PPP5C: variants seen among roughly 807,000 people sequenced by gnomAD.
PPP5C encodes the protein protein phosphatase 5 catalytic subunit, also known as serine/threonine-protein phosphatase 5.
A neutral mutation model predicts 66.7 loss-of-function variants in PPP5C; 21 were observed. The observed-to-expected ratio is 0.31, with a 90% CI of 0.22 to 0.45. The LOEUF is 0.45. Ranked by LOEUF, PPP5C falls within the 20% of genes least tolerant of loss-of-function variation. PPP5C has a pLI of 1.00. For missense variants in PPP5C, 464 were observed against 675.9 expected (o/e 0.69, Z 3.48); for synonymous variants, 246 against 257.4 (o/e 0.96, Z 0.43).
At chr19:46,366,981 G>T (rs1449396729) in intron 2 of PPP5C, among the ~76,000 whole-genome samples, 1 of 152,190 alleles carries the variant, frequency 6.6e-6, no homozygotes, top group African/African-American at 2.4e-5. Flanking sequence ...CACTGTGCTG[G>T]ATCTAGGTCG....
In PPP5C at chr19:46,379,606, TC is replaced by T. The variant is rs778697300; in HGVS notation, c.633+3037del. 2.4e-4 allele frequency among the ~76,000 whole-genome samples: 37 copies of T among 152,330 alleles called. 1 individual carries two copies. Among genetic ancestry groups the T allele is most frequent in the African/African-American group, 8.4e-4 (35 of 41,570 alleles). ...TTTCTATATGTCCCATTTGTTTTTT[TC>T]CCCCTTGTTTCTCCTTCTTTGACTT... On this transcript the variant is annotated intron_variant, in intron 4 of 12. Transcript: ENST00000012443.
intron 2 of PPP5C, among the ~76,000 whole-genome samples, chr19:46,357,373 G>T (rs1972304858): frequency 6.6e-6 from 1 of 152,166 alleles, no homozygotes; most frequent in African/African-American, 2.4e-5. Flanking sequence ...TATTCTCTCA[G>T]TCAACAGTTA....
chr19:46,378,147 T>G (rs1972728585), intron 4 of PPP5C, among the ~76,000 whole-genome samples: 1 of 152,244 alleles, frequency 6.6e-6, no homozygotes, highest in Non-Finnish European at 1.5e-5. Context: ...AAACTAAATT[T>G]CCTTCCAGGC....
intron 9 of PPP5C, chr19:46,387,958 TGAG>T (rs1490192995): frequency 3.6e-6 from 1 of 278,112 alleles, no homozygotes; most frequent in Non-Finnish European, 7.0e-6. Context: ...ATTCCAGGCT[TGAG>T]GAGGGGTCCT....
intron 2 of PPP5C, among the ~76,000 whole-genome samples, chr19:46,372,386 A>G (rs1013478731): frequency 6.0e-5 from 9 of 150,862 alleles, no homozygotes; most frequent in African/African-American, 2.2e-4. Flanking sequence ...TGTTGTTGTT[A>G]TTTTTTTCTA....
At position 46,390,594 on chromosome 19, in the gene PPP5C, C is replaced by A; in HGVS notation, c.*248C>A. 2.7e-5 allele frequency: 37 copies of A among 1,349,376 alleles called. No homozygotes were observed. The highest frequency in any genetic ancestry group is 8.9e-5 in the East Asian group (3 of 33,774). The allele number at this position is 1,349,376 out of a possible 1,614,324, so 83.6% of individuals were successfully genotyped here. Reference sequence around the variant, plus strand: ...GCTGGGGCTGGGGGCACAGCCTGGGCATTCTGTGGGGAGGCCGTCCTCGGG... The same window carrying A: ...GCTGGGGCTGGGGGCACAGCCTGGGAATTCTGTGGGGAGGCCGTCCTCGGG... On this transcript the variant is annotated 3_prime_UTR_variant, in exon 13 of 13. Coordinates refer to ENST00000012443, the MANE Select transcript of PPP5C (RefSeq NM_006247.4).
chr19:46,364,843 C>T (rs1242818286), intron 2 of PPP5C, among the ~76,000 whole-genome samples: 3 of 150,960 alleles, frequency 2.0e-5, no homozygotes, highest in Non-Finnish European at 4.4e-5. Context: ...TATCTCACGC[C>T]GCTGGGTCCA....
At chr19:46,371,929 T>G (rs1857353943) in intron 2 of PPP5C, among the ~76,000 whole-genome samples, 1 of 152,196 alleles carries the variant, frequency 6.6e-6, no homozygotes, top group South Asian at 2.1e-4. Context: ...ATCTTGATGC[T>G]GCTCTATAAT....
Position 46,369,247 on chromosome 19 carries a change from C to T in PPP5C, c.364-6357C>T, listed in dbSNP as rs914037246. Among the ~76,000 whole-genome samples, 7 of 152,180 alleles carry T rather than the reference C, an allele frequency of 4.6e-5. No homozygotes were observed. In the South Asian group the frequency reaches 1.0e-3, roughly 23 times the overall value. On this transcript the variant is annotated intron_variant, in intron 2 of 12. Transcript: ENST00000012443. ...ACACACCTAGGTTATGTGGCATGGC[C>T]GAGTGCTCCTAGGCTACACGCCTGT...
At chr19:46,352,166 A>C in intron 1 of PPP5C, among the ~76,000 whole-genome samples, 1 of 151,884 alleles carries the variant, frequency 6.6e-6, no homozygotes, top group East Asian at 1.9e-4. Flanking sequence ...AGCTGCCCCA[A>C]CCCTAAACAC....
chr19:46,380,877 T>G (rs1435710551), intron 4 of PPP5C, among the ~76,000 whole-genome samples: 1 of 152,196 alleles, frequency 6.6e-6, no homozygotes, highest in Non-Finnish European at 1.5e-5. Flanking sequence ...GGCTTTGATG[T>G]GCTTTTTTTG....
At position 46,390,869 on chromosome 19, in the gene PPP5C, T is replaced by C. The variant is rs148919772; in HGVS notation, c.*523T>C. 1.4e-4 allele frequency: 156 copies of C among 1,141,250 alleles called. No individual in the cohort carries two copies. In the African/African-American group the frequency reaches 2.4e-3, roughly 17 times the overall value. The allele number at this position is 1,141,250 out of a possible 1,614,324, so 70.7% of individuals were successfully genotyped here. On this transcript the variant is annotated 3_prime_UTR_variant, in exon 13 of 13. Coordinates refer to ENST00000012443, the MANE Select transcript of PPP5C (RefSeq NM_006247.4). ...CGGAAGTCAGCTTGTCTCTGGATGGTGGAGCCGAAGGAGCTGCCCGGGTTG... is the reference window on the plus strand; with the variant it reads ...CGGAAGTCAGCTTGTCTCTGGATGGCGGAGCCGAAGGAGCTGCCCGGGTTG...
intron 11 of PPP5C, 117 bp from the exon 12 acceptor site, chr19:46,389,934 G>T: frequency 1.2e-6 from 1 of 867,058 alleles, no homozygotes; most frequent in South Asian, 1.4e-5. Context: ...ATCTGTGTCT[G>T]TTGTGGCTCT....
chr19:46,387,766 C>T (rs1972916871), intron 9 of PPP5C: 15 of 1,290,802 alleles, frequency 1.2e-5, no homozygotes, highest in Non-Finnish European at 1.4e-5. Flanking sequence ...GTGCTAGTGA[C>T]GGGCACACTT....
In PPP5C at chr19:46,360,961, T is replaced by C. The variant is rs368836604; in HGVS notation, c.363+6972T>C. On this transcript the variant is annotated intron_variant, in intron 2 of 12. Transcript: ENST00000012443. Reference sequence around the variant, plus strand: ...CTTTACTCTTTGGTAGAGAGGAGACTCAGTTTCCCAAATAATCAAAAGACC... The same window carrying C: ...CTTTACTCTTTGGTAGAGAGGAGACCCAGTTTCCCAAATAATCAAAAGACC... Among the ~76,000 whole-genome samples, 63 of 152,302 alleles carry C rather than the reference T, an allele frequency of 4.1e-4. 1 individual carries two copies. Among genetic ancestry groups the C allele is most frequent in the African/African-American group, 1.4e-3 (59 of 41,568 alleles).
At chr19:46,386,809 A>G in intron 7 of PPP5C, 1 of 498,444 alleles carries the variant, frequency 2.0e-6, no homozygotes, top group South Asian at 2.3e-5. Flanking sequence ...GAGAGGTCTC[A>G]GTATATTGCC....
chr19:46,352,500 G>T (rs1373047419), intron 1 of PPP5C, among the ~76,000 whole-genome samples: 1 of 152,188 alleles, frequency 6.6e-6, no homozygotes, highest in Non-Finnish European at 1.5e-5. Context: ...GAGAGTGGGA[G>T]CCTTTTGGTC....
At chr19:46,363,294 C>T (rs1034413585) in intron 2 of PPP5C, among the ~76,000 whole-genome samples, 6 of 69,890 alleles carry the variant, frequency 8.6e-5, no homozygotes, top group Admixed American at 2.1e-4. Context: ...GGCGACAGAG[C>T]GAGACTCCAT....
intron 9 of PPP5C, chr19:46,387,926 G>T: frequency 9.2e-6 from 3 of 325,426 alleles, no homozygotes; most frequent in Non-Finnish European, 1.7e-5. Context: ...GGCATCTGCC[G>T]TGCACAGAGC....
Sources: gnomAD v4.1 joint callset for allele counts (sites outside exome capture counted in the v4.1 genomes callset) on GRCh38, gnomAD v4.1.1 for gene constraint, MANE v1.5 for transcripts, NCBI Gene and HGNC (gene_info 2026-07-23, HGNC 2026-07-21) for gene names.